SAMD3: variants seen among roughly 807,000 people sequenced by gnomAD.
The protein encoded by SAMD3 is sterile alpha motif domain containing 3.
SAMD3 carries 63 observed loss-of-function variants against 58.5 expected under a neutral mutation model. The ratio of observed to expected loss-of-function variants is 1.08; its 90% CI spans 0.88 to 1.33. The LOEUF is 1.33. Among genes scored for constraint, SAMD3 ranks in the 40% most tolerant of loss-of-function variants. The pLI, the probability that SAMD3 is intolerant of heterozygous loss-of-function variation, is 0.00. For synonymous variants in SAMD3, 220 were observed against 210.3 expected (o/e 1.05, Z -0.40); for missense variants, 604 against 608.4 (o/e 0.99, Z 0.08).
intron 1 of SAMD3, among the ~76,000 whole-genome samples, chr6:130,361,351 G>C (rs1449215180): frequency 1.3e-5 from 2 of 152,150 alleles, no homozygotes; most frequent in Non-Finnish European, 2.9e-5. Context: ...CCGTTTGGGG[G>C]TCCCTGACTT....
chr6:130,354,413 G>A (rs1777766396), intron 1 of SAMD3, among the ~76,000 whole-genome samples: 1 of 152,116 alleles, frequency 6.6e-6, no homozygotes, highest in Non-Finnish European at 1.5e-5. Flanking sequence ...AGCAGACATG[G>A]AATCCACCTA....
intron 5 of SAMD3, among the ~76,000 whole-genome samples, chr6:130,198,439 C>T (rs1468571893): frequency 6.6e-6 from 1 of 152,132 alleles, no homozygotes; most frequent in Admixed American, 6.5e-5. Context: ...AAACTCCTGG[C>T]CTCAAGTGAT....
At chr6:130,270,093 C>CT (rs1444174681) in intron 2 of SAMD3, among the ~76,000 whole-genome samples, 3 of 151,980 alleles carry the variant, frequency 2.0e-5, no homozygotes, top group African/African-American at 4.8e-5. Context: ...TGTGGAAATT[C>CT]TTTTTTGAGA....
intron 2 of SAMD3, among the ~76,000 whole-genome samples, chr6:130,261,227 G>C (rs548396577): frequency 9.1e-6 from 1 of 109,942 alleles, no homozygotes; most frequent in Admixed American, 9.4e-5. Flanking sequence ...TTTTGGTTTT[G>C]ACTTGGTTTG....
intron 8 of SAMD3, among the ~76,000 whole-genome samples, chr6:130,171,717 A>G (rs1218213036): frequency 1.3e-5 from 2 of 152,188 alleles, no homozygotes; most frequent in African/African-American, 4.8e-5. Context: ...GCAGATATCT[A>G]TTAGGTCCAC....
intron 1 of SAMD3, among the ~76,000 whole-genome samples, chr6:130,354,754 C>T (rs1583148887): frequency 6.6e-6 from 1 of 152,096 alleles, no homozygotes; most frequent in Non-Finnish European, 1.5e-5. Context: ...CTCTGTGACA[C>T]GAATTTACCT....
chr6:130,152,770 T>C (rs1443871827), intron 9 of SAMD3, among the ~76,000 whole-genome samples: 1 of 152,188 alleles, frequency 6.6e-6, no homozygotes, highest in Non-Finnish European at 1.5e-5. Context: ...ATTTTGGATA[T>C]AAAGGGTGAA....
chr6:130,156,554 G>C (rs1789801421), intron 8 of SAMD3, among the ~76,000 whole-genome samples: 1 of 152,138 alleles, frequency 6.6e-6, no homozygotes, highest in African/African-American at 2.4e-5. Context: ...CAAATTAAAA[G>C]AAAACATGAT....
chr6:130,349,856 CA>C (rs1554277701), intron 1 of SAMD3, among the ~76,000 whole-genome samples: 3 of 152,134 alleles, frequency 2.0e-5, no homozygotes, highest in Non-Finnish European at 4.4e-5. Flanking sequence ...AGCAGCACAT[CA>C]AAAAGCTTAT....
At chr6:130,193,210 C>T (rs555564731) in intron 5 of SAMD3, among the ~76,000 whole-genome samples, 2 of 150,526 alleles carry the variant, frequency 1.3e-5, no homozygotes, top group African/African-American at 4.9e-5. Flanking sequence ...CCAACCCCTT[C>T]TCTCCATGTC....
At chr6:130,167,106 T>G (rs765457614) in intron 8 of SAMD3, among the ~76,000 whole-genome samples, 8 of 152,170 alleles carry the variant, frequency 5.3e-5, no homozygotes, top group Non-Finnish European at 8.8e-5. Context: ...AAGAGTACTC[T>G]ATAATGGTTA....
chr6:130,248,088 C>T lies in SAMD3; in HGVS notation c.-187-25275G>A, dbSNP rs531336950. Among the ~76,000 whole-genome samples the T allele has an allele frequency of 3.6e-4, 55 of 152,146 alleles. No individual in the cohort carries two copies. The South Asian group carries it at 0.011, about 31-fold the overall frequency. The stretch of plus-strand genomic sequence containing the variant: ...CTTGCTGATATTAAGATTCATACAT[C>T]TGCTTTCCCTTTGATAGCATTTGTC... On this transcript the variant is annotated intron_variant, in intron 2 of 13. Transcript: ENST00000368134.
chr6:130,280,403 C>A (rs12199323), intron 2 of SAMD3, among the ~76,000 whole-genome samples: 48,212 of 151,964 alleles, frequency 0.32, 7,872 homozygotes, highest in East Asian at 0.47. Context: ...CTGTCCCCTC[C>A]GGCAGGATCT....
intron 2 of SAMD3, among the ~76,000 whole-genome samples, chr6:130,275,510 T>A (rs977109899): frequency 1.3e-5 from 2 of 152,114 alleles, no homozygotes; most frequent in Admixed American, 6.6e-5. Flanking sequence ...TATATTTAGT[T>A]TATAATAACC....
At chr6:130,179,858 G>T in intron 7 of SAMD3, among the ~76,000 whole-genome samples, 1 of 131,368 alleles carries the variant, frequency 7.6e-6, no homozygotes, top group East Asian at 2.3e-4. Flanking sequence ...TTGTCCCCCA[G>T]GCTAGAGTAC....
At chr6:130,145,531 A>G (rs4897370) in intron 10 of SAMD3, 109 bp from the exon 11 acceptor site, 164,621 of 636,074 alleles carry the variant, frequency 0.26, 22,990 homozygotes, top group East Asian at 0.46. Flanking sequence ...ACAGAAAACA[A>G]ACTAGCCTTC....
intron 1 of SAMD3, among the ~76,000 whole-genome samples, chr6:130,327,579 G>T (rs977656651): frequency 8.5e-5 from 13 of 152,074 alleles, no homozygotes; most frequent in African/African-American, 3.1e-4. Context: ...CATCAAAAAG[G>T]TATCAAAATT....
At chr6:130,232,388 T>C (rs1429464900) in intron 2 of SAMD3, among the ~76,000 whole-genome samples, 1 of 152,200 alleles carries the variant, frequency 6.6e-6, no homozygotes, top group African/African-American at 2.4e-5. Flanking sequence ...GGCTAATTAA[T>C]GCACTCTTTA....
intron 7 of SAMD3, among the ~76,000 whole-genome samples, chr6:130,180,944 TC>T (rs1792253432): frequency 2.4e-5 from 1 of 41,012 alleles, no homozygotes; most frequent in Non-Finnish European, 6.9e-5. Flanking sequence ...TTTTTCTTTT[TC>T]TTTCTTTCTT....
Sources: allele counts gnomAD v4.1 joint callset (sites outside exome capture counted in the v4.1 genomes callset), GRCh38; gene constraint gnomAD v4.1.1; transcripts MANE v1.5; gene names NCBI Gene and HGNC (gene_info 2026-07-23, HGNC 2026-07-21).